The following MON2 variants were observed in gnomAD, a reference collection of about 807,000 sequenced individuals.
MON2 encodes protein MON2 homolog.
MON2 carries 84 observed loss-of-function variants against 208.6 expected under a neutral mutation model. The ratio of observed to expected loss-of-function variants is 0.40; its 90% CI spans 0.34 to 0.48. The LOEUF (loss-of-function observed/expected upper bound fraction) is 0.48. Among genes scored for constraint, MON2 ranks in the 20% least tolerant of loss-of-function variants. MON2 has a pLI of 0.59. For synonymous variants in MON2, 660 were observed against 694.0 expected (o/e 0.95, Z 0.77); for missense variants, 1,611 against 2,015.4 (o/e 0.80, Z 3.84).
At chr12:62,500,706 C>T (rs948678630) in intron 5 of MON2, 77 bp from the exon 6 acceptor site, 2 of 663,334 alleles carry the variant, frequency 3.0e-6, no homozygotes, top group East Asian at 3.4e-5. Flanking sequence ...TTATTTTAAA[C>T]ATTATCTTTT....
intron 2 of MON2, 56 bp from the exon 3 acceptor site, chr12:62,493,859 C>A: frequency 8.0e-7 from 1 of 1,246,720 alleles, no homozygotes; most frequent in Non-Finnish European, 1.1e-6. Context: ...TATAAAAATG[C>A]ATTCTTAATT....
intron 1 of MON2, among the ~76,000 whole-genome samples, chr12:62,473,599 C>T (rs1383573215): frequency 6.6e-6 from 1 of 152,086 alleles, no homozygotes; most frequent in African/African-American, 2.4e-5. Context: ...GAGACAGGGT[C>T]TTACTCTGTC....
intron 5 of MON2, among the ~76,000 whole-genome samples, chr12:62,499,964 TG>T (rs2070744411): frequency 6.6e-6 from 1 of 152,160 alleles, no homozygotes; most frequent in Non-Finnish European, 1.5e-5. Context: ...TATTTTTTCT[TG>T]GGGAAAAATG....
chr12:62,558,627 A>G (rs891890590), intron 25 of MON2, among the ~76,000 whole-genome samples: 3 of 152,168 alleles, frequency 2.0e-5, no homozygotes, highest in African/African-American at 4.8e-5. Context: ...GTAATTTGTC[A>G]AAACTCTTTT....
rs562295050 is a variant in MON2, at chr12:62,534,840, T to C, written c.1634-5T>C. On this transcript the variant is annotated splice_polypyrimidine_tract_variant and splice_region_variant and intron_variant, in intron 12 of 34. Coordinates refer to ENST00000393630, the MANE Select transcript of MON2 (RefSeq NM_015026.3). ...ATTAAATATTGTATGTTTTTTTCCTTTAAGTTAGTAGGGCTGTTTGGGAAG... is the reference window on the plus strand; with the variant it reads ...ATTAAATATTGTATGTTTTTTTCCTCTAAGTTAGTAGGGCTGTTTGGGAAG... 9.5e-5 allele frequency: 152 copies of C among 1,605,054 alleles called. No homozygotes were observed. The South Asian group carries it at 1.3e-3, about 13-fold the overall frequency.
At chr12:62,467,410 C>T (rs1454557738) in intron 1 of MON2, 92 bp downstream of exon 1, 17 of 1,012,782 alleles carry the variant, frequency 1.7e-5, no homozygotes, top group Non-Finnish European at 2.6e-5. Context: ...TCCTAATTTT[C>T]ATTCAGGCCT....
intron 5 of MON2, 129 bp downstream of exon 5, chr12:62,499,177 C>T (rs1405045113): frequency 5.2e-6 from 5 of 956,104 alleles, no homozygotes; most frequent in Non-Finnish European, 5.9e-6. Flanking sequence ...ATAAATTCCT[C>T]ACAATTTGAT....
At position 62,569,000 on chromosome 12, in the gene MON2, C is replaced by T. The variant is rs1011428771; in HGVS notation, c.4324-2392C>T. Among the ~76,000 whole-genome samples the T allele has an allele frequency of 6.6e-5, 10 of 152,238 alleles. No homozygotes were observed. In the South Asian group the frequency reaches 1.2e-3, roughly 19 times the overall value. On this transcript the variant is annotated intron_variant, in intron 29 of 34. Coordinates refer to ENST00000393630, the MANE Select transcript of MON2 (RefSeq NM_015026.3). ...AGTTAAATGATCTCTTTTCTATAAT[C>T]CCATTTCATTGATGCCACTTACCAC...
At position 62,598,603 on chromosome 12, in the gene MON2, A is replaced by G. The variant is rs1318651508; in HGVS notation, c.*5854A>G. 6.6e-6 allele frequency: 1 copy of G among 152,154 alleles called. No individual in the cohort carries two copies. Among genetic ancestry groups the G allele is most frequent in the East Asian group, 1.9e-4 (1 of 5,202 alleles). The allele number at this position is 152,154 out of a possible 1,614,324, so 9.4% of individuals were successfully genotyped here. On this transcript the variant is annotated 3_prime_UTR_variant, in exon 35 of 35. Transcript: ENST00000393630. ...TCCTGTCTCTTAAGGCAGCTACCATATGGTGTTTATGTCAGACTGGATATA... is the reference window on the plus strand; with the variant it reads ...TCCTGTCTCTTAAGGCAGCTACCATGTGGTGTTTATGTCAGACTGGATATA...
intron 1 of MON2, among the ~76,000 whole-genome samples, chr12:62,471,479 C>A (rs961078738): frequency 1.3e-5 from 2 of 152,210 alleles, no homozygotes; most frequent in African/African-American, 2.4e-5. Flanking sequence ...CCACCACACC[C>A]AGCAGAGTAG....
chr12:62,585,524 G>T (rs2075192917), intron 33 of MON2, 23 bp downstream of exon 33: 3 of 1,503,722 alleles, frequency 2.0e-6, no homozygotes, highest in African/African-American at 2.8e-5. Flanking sequence ...TTTTATTAAA[G>T]AAATAAATGT....
intron 8 of MON2, among the ~76,000 whole-genome samples, chr12:62,511,180 A>G (rs1473226638): frequency 6.6e-6 from 1 of 152,236 alleles, no homozygotes; most frequent in Non-Finnish European, 1.5e-5. Flanking sequence ...TGTCCATATA[A>G]TCTAAAGAGA....
chr12:62,519,699 G>A (rs1161769364), intron 8 of MON2, among the ~76,000 whole-genome samples: 1 of 152,124 alleles, frequency 6.6e-6, no homozygotes, highest in Non-Finnish European at 1.5e-5. Flanking sequence ...GACACATAAC[G>A]ATGAAAATCT....
intron 8 of MON2, among the ~76,000 whole-genome samples, chr12:62,518,630 G>A (rs1293891837): frequency 6.6e-6 from 1 of 151,942 alleles, no homozygotes; most frequent in East Asian, 1.9e-4. Flanking sequence ...AATTGGTGGG[G>A]GTGTAGGGGG....
chr12:62,489,035 C>T (rs561585042), intron 2 of MON2, among the ~76,000 whole-genome samples: 1 of 152,034 alleles, frequency 6.6e-6, no homozygotes, highest in Non-Finnish European at 1.5e-5. Flanking sequence ...AATAAAATTG[C>T]TGTATGATAT....
intron 20 of MON2, 193 bp from the exon 21 acceptor site, chr12:62,544,705 A>G: frequency 7.1e-7 from 1 of 1,398,664 alleles, no homozygotes; most frequent in Admixed American, 2.1e-5. Context: ...TTCTCTGTGA[A>G]TTGTTTTAGT....
At chr12:62,468,026 G>T (rs1476285681) in intron 1 of MON2, among the ~76,000 whole-genome samples, 1 of 151,778 alleles carries the variant, frequency 6.6e-6, no homozygotes, top group African/African-American at 2.4e-5. Context: ...TGTCAGAGCA[G>T]AAGGGTATTA....
chr12:62,481,606 T>C (rs1400655161), intron 1 of MON2, among the ~76,000 whole-genome samples: 1 of 152,176 alleles, frequency 6.6e-6, no homozygotes, highest in Non-Finnish European at 1.5e-5. Flanking sequence ...TCAGGACTTA[T>C]TTAAAAGCTT....
At chr12:62,521,964 G>A (rs184757277) in intron 8 of MON2, among the ~76,000 whole-genome samples, 4 of 152,272 alleles carry the variant, frequency 2.6e-5, no homozygotes, top group East Asian at 1.9e-4. Flanking sequence ...AGGCCAAGGC[G>A]GGTGGATCAC....
Sources: gnomAD v4.1 joint callset for allele counts (sites outside exome capture counted in the v4.1 genomes callset) on GRCh38, gnomAD v4.1.1 for gene constraint, MANE v1.5 for transcripts, NCBI Gene and HGNC (gene_info 2026-07-23, HGNC 2026-07-21) for gene names.